Variants in GALNT9 observed in about 807,000 individuals in gnomAD.
GALNT9 encodes polypeptide N-acetylgalactosaminyltransferase 9.
Under a neutral mutation model 63.1 loss-of-function variants are expected in GALNT9, and 47 were observed. The ratio of observed to expected loss-of-function variants is 0.75; its 90% CI spans 0.59 to 0.95. The LOEUF is 0.95. Among genes scored for constraint, GALNT9 ranks in the 40% least tolerant of loss-of-function variants. The probability of loss-of-function intolerance (pLI) is 0.00; values close to 1 mark genes in which losing one functional copy is unlikely to be tolerated. For synonymous variants in GALNT9, 396 were observed against 365.7 expected (o/e 1.08, Z -0.94); for missense variants, 829 against 874.8 (o/e 0.95, Z 0.66).
intron 3 of GALNT9, 146 bp from the exon 4 acceptor site, chr12:132,261,268 AGC>A: frequency 1.6e-5 from 21 of 1,287,160 alleles, no homozygotes; most frequent in Admixed American, 3.1e-5. Context: ...CATGTGGTTC[AGC>A]GTGGAGGTCA....
intron 6 of GALNT9, among the ~76,000 whole-genome samples, chr12:132,228,624 T>G: frequency 6.6e-6 from 1 of 152,022 alleles, no homozygotes; most frequent in African/African-American, 2.4e-5. Context: ...GACGTTCTGA[T>G]GCTCACACAG....
intron 6 of GALNT9, among the ~76,000 whole-genome samples, chr12:132,243,324 CACA>C: frequency 7.3e-6 from 1 of 137,520 alleles, no homozygotes; most frequent in Non-Finnish European, 1.6e-5. Flanking sequence ...ACACACACCA[CACA>C]CCCTTCCCGG....
chr12:132,215,761 G>A (rs940244063), intron 6 of GALNT9, among the ~76,000 whole-genome samples: 2 of 152,306 alleles, frequency 1.3e-5, no homozygotes, highest in East Asian at 1.9e-4. Context: ...GGGCATGGGC[G>A]GGGGGCAGCC....
At position 132,203,803 on chromosome 12, in the gene GALNT9, C is replaced by CGGCCCTCTGTT; in HGVS notation, c.1078-114_1078-113insAACAGAGGGCC. On this transcript the variant is annotated intron_variant, in intron 6 of 10. Coordinates refer to ENST00000328957, the MANE Select transcript of GALNT9 (RefSeq NM_001122636.2). ...CCCGGCCCTCTGTTCCTGGGGCACC[C>CGGCCCTCTGTT]CCACCACCGACGGGCCTGGTGGGTC... 4 of 1,180,232 alleles carry CGGCCCTCTGTT rather than the reference C, an allele frequency of 3.4e-6. No homozygotes were observed. The African/African-American group carries it at 6.3e-5, about 19-fold the overall frequency. The allele number at this position is 1,180,232 out of a possible 1,614,324, so 73.1% of individuals were successfully genotyped here.
rs924913421 is a variant in GALNT9, at chr12:132,286,074, C to A, written c.419+176G>T. ...CACGGGGGAGCGCTCACTTTCCCGG[C>A]CAGCGTGGGGGGCGGTCACTTCCCC... On this transcript the variant is annotated intron_variant, in intron 2 of 10. Coordinates refer to ENST00000328957, the MANE Select transcript of GALNT9 (RefSeq NM_001122636.2). This position sits in a 1 kb window ranked among gnomAD's most constrained non-coding sequence, Gnocchi z 7.4. Among the ~76,000 whole-genome samples the A allele has an allele frequency of 2.0e-5, 3 of 151,934 alleles. No homozygotes were observed. Among genetic ancestry groups the A allele is most frequent in the African/African-American group, 4.8e-5 (2 of 41,388 alleles).
rs1229820847 is a variant in GALNT9 at position 132,197,249 on chromosome 12, C to T, written c.1670G>A (p.Gly557Asp). ...TQRLWDFTQS[G>D]PIVSRATGRC... ...GCCCGTGGCCCGGCTCACAATGGGG[C>T]CACTCTGTGGGGACAGGCACATCAA... The change falls in exon 11 of 11, where the codon GGC (glycine) becomes GAC (aspartate). Residue 557 changes from glycine (G) to aspartate (D), a missense_variant. Transcript: ENST00000328957. 1.9e-6 allele frequency: 3 copies of T among 1,611,734 alleles called. No homozygotes were observed. In the East Asian group the frequency reaches 6.7e-5, roughly 36 times the overall value.
rs141752567 is a variant in GALNT9, at chr12:132,286,214, C to G, written c.419+36G>C. 2.6e-6 allele frequency: 4 copies of G among 1,523,062 alleles called. No individual in the cohort carries two copies. Among genetic ancestry groups the G allele is most frequent in the Admixed American group, 2.0e-5 (1 of 49,520 alleles). The allele number at this position is 1,523,062 out of a possible 1,614,324, so 94.3% of individuals were successfully genotyped here. On this transcript the variant is annotated intron_variant, in intron 2 of 10. Coordinates refer to ENST00000328957, the MANE Select transcript of GALNT9 (RefSeq NM_001122636.2). This position sits in a 1 kb window ranked among gnomAD's most constrained non-coding sequence, Gnocchi z 7.4. ...GTGTGGGGGGCGGTCACTTCCTCGG[C>G]GGGCGTCGGGGGATGGGGGGCAGTC...
chr12:132,271,276 C>T (rs999166222), intron 2 of GALNT9, among the ~76,000 whole-genome samples: 32 of 150,604 alleles, frequency 2.1e-4, no homozygotes, highest in Non-Finnish European at 4.0e-4. Flanking sequence ...TGCCAGGGCT[C>T]GAGGGTGGGG....
intron 8 of GALNT9, 102 bp from the exon 9 acceptor site, chr12:132,199,371 C>T (rs1329105092): frequency 3.0e-5 from 24 of 813,212 alleles, no homozygotes; most frequent in East Asian, 7.8e-5. Flanking sequence ...AGGAGGTGCC[C>T]GCGGGAGGAG....
chr12:132,299,232 A>C (rs1446228548), intron 1 of GALNT9, among the ~76,000 whole-genome samples: 3 of 128,340 alleles, frequency 2.3e-5, no homozygotes, highest in African/African-American at 6.2e-5. Flanking sequence ...CACTCCCACC[A>C]CACCTAACCA....
At chr12:132,241,204 C>T (rs1878319577) in intron 6 of GALNT9, among the ~76,000 whole-genome samples, 1 of 120,410 alleles carries the variant, frequency 8.3e-6, no homozygotes, top group Admixed American at 8.2e-5. Context: ...CCATTACACA[C>T]ACAACACACC....
Position 132,286,563 on chromosome 12 carries a change from G to C in GALNT9, c.239-133C>G. 1 of 1,363,732 alleles carries C rather than the reference G, an allele frequency of 7.3e-7. No homozygotes were observed. Among genetic ancestry groups the C allele is most frequent in the Non-Finnish European group, 9.7e-7 (1 of 1,034,218 alleles). 84.5% of individuals were successfully genotyped at this position (1,363,732 alleles called of 1,614,324 possible). Reference sequence around the variant, plus strand: ...AAGCCCAGCAAACTCCCTGCAGATGGCAGGCTGCCAGCTCAGGACATTCCA... The same window carrying C: ...AAGCCCAGCAAACTCCCTGCAGATGCCAGGCTGCCAGCTCAGGACATTCCA... On this transcript the variant is annotated intron_variant, in intron 1 of 10. Transcript: ENST00000328957. This position sits in a 1 kb window ranked among gnomAD's most constrained non-coding sequence, Gnocchi z 7.4.
chr12:132,222,291 TACC>T (rs918202997), intron 6 of GALNT9, among the ~76,000 whole-genome samples: 1 of 152,096 alleles, frequency 6.6e-6, no homozygotes, highest in Non-Finnish European at 1.5e-5. Flanking sequence ...AAAACGCACA[TACC>T]AGGCCAGGCG....
intron 1 of GALNT9, among the ~76,000 whole-genome samples, chr12:132,296,000 G>A (rs1042420442): frequency 5.2e-5 from 7 of 134,968 alleles, no homozygotes; most frequent in East Asian, 2.7e-4. Flanking sequence ...GACGGCCTCC[G>A]GAACAGGGAG....
chr12:132,281,086 G>A (rs782249622), intron 2 of GALNT9, among the ~76,000 whole-genome samples: 14 of 152,214 alleles, frequency 9.2e-5, no homozygotes, highest in Non-Finnish European at 7.3e-5. Flanking sequence ...GGAAAGGCCA[G>A]GCACTGTGGA....
At chr12:132,261,565 C>G (rs1481230643) in intron 3 of GALNT9, among the ~76,000 whole-genome samples, 1 of 152,336 alleles carries the variant, frequency 6.6e-6, no homozygotes, top group East Asian at 1.9e-4. Flanking sequence ...CACACACCAC[C>G]TTCTCCAGCG....
At chr12:132,326,284 C>G (rs1555246512) in intron 1 of GALNT9, among the ~76,000 whole-genome samples, 1 of 152,232 alleles carries the variant, frequency 6.6e-6, no homozygotes, top group Admixed American at 6.5e-5. Context: ...TTATGTGCAA[C>G]TGAAGATATT....
chr12:132,260,182 C>G (rs1218075067), intron 4 of GALNT9, among the ~76,000 whole-genome samples: 1 of 152,036 alleles, frequency 6.6e-6, no homozygotes, highest in Admixed American at 6.5e-5. Flanking sequence ...GAAACAGACA[C>G]AGGGAGGGCG....
At chr12:132,247,698 ACCCCGTCCCC>A in intron 6 of GALNT9, 1 of 762,834 alleles carries the variant, frequency 1.3e-6, no homozygotes, top group African/African-American at 2.2e-5. Flanking sequence ...ACTCGCCCTC[ACCCCGTCCCC>A]AGACACCGCG....
Sources: allele counts gnomAD v4.1 joint callset (sites outside exome capture counted in the v4.1 genomes callset), GRCh38; gene constraint gnomAD v4.1.1; non-coding constraint Gnocchi (gnomAD v3.1); transcripts MANE v1.5; gene names NCBI Gene and HGNC (gene_info 2026-07-23, HGNC 2026-07-21).